The following HDGFL3 variants were observed in gnomAD, a reference collection of about 807,000 sequenced individuals.
The protein encoded by HDGFL3 is HDGF like 3.
HDGFL3 carries 6 observed loss-of-function variants against 27.6 expected under a neutral mutation model. The ratio of observed to expected loss-of-function variants is 0.22; its 90% CI spans 0.12 to 0.43. The LOEUF (loss-of-function observed/expected upper bound fraction) is 0.43, where lower values mean the gene tolerates loss of function less well. HDGFL3 is among the 20% of genes least tolerant of loss of function. HDGFL3 has a pLI of 1.00. For synonymous variants in HDGFL3, 88 were observed against 88.9 expected (o/e 0.99, Z 0.05); for missense variants, 207 against 250.1 (o/e 0.83, Z 1.16).
chr15:83,150,802 G>C (rs1029519965), intron 5 of HDGFL3, among the ~76,000 whole-genome samples: 8 of 152,198 alleles, frequency 5.3e-5, no homozygotes, highest in Admixed American at 1.3e-4. Context: ...AAGTCCTCAT[G>C]GGTACAATGA....
At chr15:83,180,329 C>T (rs537053721) in intron 1 of HDGFL3, among the ~76,000 whole-genome samples, 1 of 152,060 alleles carries the variant, frequency 6.6e-6, no homozygotes, top group Admixed American at 6.5e-5. Flanking sequence ...GGAAGAAGGG[C>T]AAGCAAACTT....
rs2036690626 is a variant in HDGFL3 at position 83,138,121 on chromosome 15, A to G, written c.*1149T>C. 6.6e-6 allele frequency: 1 copy of G among 152,642 alleles called. No individual in the cohort carries two copies. The highest frequency in any genetic ancestry group is 2.4e-5 in the African/African-American group (1 of 41,462). 9.5% of individuals were successfully genotyped at this position (152,642 alleles called of 1,614,324 possible). ...TACATTAATACCTCACGTTACATAT[A>G]TGAAGCCAAATTACACTAACTTAGT... On this transcript the variant is annotated 3_prime_UTR_variant, in exon 6 of 6. Transcript: ENST00000299633.
At chr15:83,187,071 G>A (rs1218701829) in intron 1 of HDGFL3, among the ~76,000 whole-genome samples, 2 of 151,548 alleles carry the variant, frequency 1.3e-5, no homozygotes, top group East Asian at 1.9e-4. Context: ...TCTCATTTTG[G>A]TGACTATCTT....
intron 5 of HDGFL3, among the ~76,000 whole-genome samples, chr15:83,143,303 G>T (rs1393693225): frequency 6.6e-6 from 1 of 152,182 alleles, no homozygotes; most frequent in Non-Finnish European, 1.5e-5. Context: ...CCTTAAAGGG[G>T]GCCAGGTGCA....
rs2151384935 is a variant in HDGFL3 at position 83,133,112 on chromosome 15, CCGAGG to C, written c.*6153_*6157del. The stretch of plus-strand genomic sequence containing the variant: ...CTATGAGGTGGGTTCCACACCTCAC[CCGAGG>C]CCATACGGCTGGTTTGTGGTGGAGC... On this transcript the variant is annotated 3_prime_UTR_variant, in exon 6 of 6. Coordinates refer to ENST00000299633, the MANE Select transcript of HDGFL3 (RefSeq NM_016073.4). 6.6e-6 allele frequency: 1 copy of C among 152,338 alleles called. No individual in the cohort carries two copies. The highest frequency in any genetic ancestry group is 1.5e-5 in the Non-Finnish European group (1 of 68,034). The allele number at this position is 152,338 out of a possible 1,614,324, so 9.4% of individuals were successfully genotyped here.
At chr15:83,180,055 G>T (rs2037360610) in intron 1 of HDGFL3, among the ~76,000 whole-genome samples, 2 of 151,800 alleles carry the variant, frequency 1.3e-5, no homozygotes, top group African/African-American at 4.8e-5. Context: ...GACTACAGCT[G>T]AAACAGTAGA....
chr15:83,126,965 G>A, downstream of HDGFL3: 1 of 733,356 alleles, frequency 1.4e-6, no homozygotes. Flanking sequence ...GGCCGAGGCA[G>A]GTTGATCACG....
At chr15:83,195,343 T>C (rs1031907030) in intron 1 of HDGFL3, among the ~76,000 whole-genome samples, 2 of 152,182 alleles carry the variant, frequency 1.3e-5, no homozygotes, top group African/African-American at 4.8e-5. Flanking sequence ...GGTTTTTTAA[T>C]GTAGATTTTT....
chr15:83,119,913 T>C, intron 3 of HDGFL3: 1 of 451,350 alleles, frequency 2.2e-6, no homozygotes, highest in Non-Finnish European at 3.9e-6. Context: ...CCTTTAAGCT[T>C]TCTGATTATG....
exon 4 of HDGFL3, chr15:83,113,237 TC>T (rs1046232891): frequency 2.1e-5 from 8 of 384,932 alleles, no homozygotes; most frequent in South Asian, 2.7e-5. Context: ...CTACTAGCAG[TC>T]CCCCCCACTT....
chr15:83,168,148 C>T (rs1187668717), intron 1 of HDGFL3, among the ~76,000 whole-genome samples: 1 of 152,128 alleles, frequency 6.6e-6, no homozygotes, highest in African/African-American at 2.4e-5. Flanking sequence ...CTCAGGGATA[C>T]AGCAAAAGCA....
chr15:83,122,701 T>A, intron 3 of HDGFL3: 1 of 1,589,696 alleles, frequency 6.3e-7, no homozygotes, highest in Non-Finnish European at 8.6e-7. Context: ...ATCCTAAATA[T>A]TACTTGTGTT....
At chr15:83,189,933 A>G (rs2037491407) in intron 1 of HDGFL3, among the ~76,000 whole-genome samples, 1 of 152,122 alleles carries the variant, frequency 6.6e-6, no homozygotes, top group South Asian at 2.1e-4. Context: ...TCCTCCATCA[A>G]AAAGCTTGGG....
chr15:83,202,188 G>A (rs1011558819), intron 1 of HDGFL3, among the ~76,000 whole-genome samples: 1 of 152,102 alleles, frequency 6.6e-6, no homozygotes, highest in African/African-American at 2.4e-5. Context: ...TTTTAGAATT[G>A]CTGCAAATTT....
At chr15:83,183,781 A>G (rs2037409278) in intron 1 of HDGFL3, among the ~76,000 whole-genome samples, 1 of 145,088 alleles carries the variant, frequency 6.9e-6, no homozygotes, top group Non-Finnish European at 1.5e-5. Flanking sequence ...AAAAAAAAAA[A>G]GTATCTTTTC....
intron 2 of HDGFL3, among the ~76,000 whole-genome samples, chr15:83,163,422 T>C (rs2037125349): frequency 6.6e-6 from 1 of 152,212 alleles, no homozygotes; most frequent in Admixed American, 6.5e-5. Flanking sequence ...TAGGGCAAAG[T>C]AGTCTACCCA....
In HDGFL3 at chr15:83,135,689, G is replaced by A. The variant is rs2036559497; in HGVS notation, c.*3581C>T. ...CATTCTGAATGTGTTTTCTGAATAA[G>A]TATATAAGTAGAGAGGGAGGCCATT... On this transcript the variant is annotated 3_prime_UTR_variant, in exon 6 of 6. Transcript: ENST00000299633. 2.0e-5 allele frequency: 3 copies of A among 152,184 alleles called. No individual in the cohort carries two copies. The South Asian group carries it at 6.2e-4, about 32-fold the overall frequency. The allele number at this position is 152,184 out of a possible 1,614,324, so 9.4% of individuals were successfully genotyped here. A position where few individuals can be genotyped will look rare whatever the true frequency, so the allele number is the denominator to read the frequency against.
At chr15:83,192,098 C>T (rs190509409) in intron 1 of HDGFL3, among the ~76,000 whole-genome samples, 42 of 152,030 alleles carry the variant, frequency 2.8e-4, no homozygotes, top group African/African-American at 8.7e-4. Flanking sequence ...CCTGCCACCA[C>T]GCCTGGCTAA....
Position 83,163,917 on chromosome 15 carries a change from C to T in HDGFL3, c.161+82G>A, listed in dbSNP as rs190503642. ...ACTGATTATAATGATTTTAATAAGA[C>T]GTAAGATGTCAGAGATCATCCATAA... On this transcript the variant is annotated intron_variant, in intron 2 of 5. Transcript: ENST00000299633. 5.9e-3 allele frequency: 5,232 copies of T among 881,840 alleles called. 23 individuals carry two copies. The highest frequency in any genetic ancestry group is 7.1e-3 in the Non-Finnish European group (3,795 of 532,646). The allele number at this position is 881,840 out of a possible 1,614,324, so 54.6% of individuals were successfully genotyped here.
Sources: gnomAD v4.1 joint callset for allele counts (sites outside exome capture counted in the v4.1 genomes callset) on GRCh38, gnomAD v4.1.1 for gene constraint, MANE v1.5 for transcripts, NCBI Gene and HGNC (gene_info 2026-07-23, HGNC 2026-07-21) for gene names.